ANKRD6: variants seen among roughly 807,000 people sequenced by gnomAD.
The protein encoded by ANKRD6 is ankyrin repeat domain 6.
ANKRD6 carries 56 observed loss-of-function variants against 82.3 expected under a neutral mutation model. The observed-to-expected ratio is 0.68, with a 90% CI of 0.55 to 0.85. The LOEUF (loss-of-function observed/expected upper bound fraction) is 0.85, where lower values mean the gene tolerates loss of function less well. Among genes scored for constraint, ANKRD6 ranks in the 40% least tolerant of loss-of-function variants. The pLI is 0.00. For synonymous variants in ANKRD6, 347 were observed against 352.1 expected, an observed-to-expected ratio of 0.99 and a Z score of 0.16; for missense variants, 852 against 907.6, an observed-to-expected ratio of 0.94 and a Z score of 0.79.
rs555782118 is a variant in ANKRD6, at chr6:89,494,971, A to C, written c.-144+61596A>C. On this transcript the variant is annotated intron_variant, in intron 1 of 15. Transcript: ENST00000339746. ...AAGCCAAGGCCGGGCACGGTGGCTC[A>C]CGCCTGTAATCCCAGCACTTTGGGA... 1.2e-3 allele frequency among the ~76,000 whole-genome samples: 176 copies of C among 152,314 alleles called. 1 individual carries two copies. Among genetic ancestry groups the C allele is most frequent in the Middle Eastern group, 3.4e-3 (1 of 294 alleles).
At chr6:89,535,732 G>A (rs1207638000) in intron 1 of ANKRD6, among the ~76,000 whole-genome samples, 1 of 152,220 alleles carries the variant, frequency 6.6e-6, no homozygotes, top group Non-Finnish European at 1.5e-5. Context: ...AATGTGGAAA[G>A]TTGATTCCTT....
chr6:89,483,442 C>T (rs554283624), intron 1 of ANKRD6: 12 of 152,454 alleles, frequency 7.9e-5, no homozygotes, highest in Admixed American at 7.8e-4. Flanking sequence ...GTCAGAGAGG[C>T]CTGAGGCTGT....
chr6:89,632,195 T>C lies in ANKRD6; in HGVS notation c.*1191T>C, dbSNP rs1315312335. ...ATAGACACAGGAACCTAGTGACTAT[T>C]GAACGTAATTGTAATAAAATGCTGC... is the stretch of plus-strand genomic sequence containing the variant. On this transcript the variant is annotated 3_prime_UTR_variant, in exon 16 of 16. Transcript: ENST00000339746. 1 of 152,242 alleles carries C rather than the reference T, an allele frequency of 6.6e-6. No individual in the cohort carries two copies. The highest frequency in any genetic ancestry group is 1.5e-5 in the Non-Finnish European group (1 of 68,038). The allele number at this position is 152,242 out of a possible 1,614,324, so 9.4% of individuals were successfully genotyped here. A position where few individuals can be genotyped will look rare whatever the true frequency, so the allele number is the denominator to read the frequency against.
chr6:89,480,573 G>A (rs1776666129), intron 1 of ANKRD6, among the ~76,000 whole-genome samples: 1 of 150,062 alleles, frequency 6.7e-6, no homozygotes, highest in African/African-American at 2.4e-5. Flanking sequence ...TGTATATATA[G>A]TTTTGTATAT....
At chr6:89,605,323 A>G (rs1296848000) in intron 4 of ANKRD6, among the ~76,000 whole-genome samples, 17 of 151,920 alleles carry the variant, frequency 1.1e-4, no homozygotes, top group Admixed American at 1.1e-3. Context: ...CAGAGGTGGC[A>G]GTGAGCTGAG....
intron 1 of ANKRD6, among the ~76,000 whole-genome samples, chr6:89,557,841 G>A (rs570269842): frequency 2.6e-5 from 4 of 151,862 alleles, no homozygotes; most frequent in Non-Finnish European, 5.9e-5. Context: ...ACATGTAAGG[G>A]ATCTGGGTCA....
Position 89,630,659 on chromosome 6 carries a change from C to T in ANKRD6, c.1839C>T (p.Cys613=), listed in dbSNP as rs192607941. ...AARSDQQAGP[C]VNRGTQTKKS... ...GATCTGATCAGCAGGCTGGGCCCTG[C>T]GTCAACAGAGGCACTCAAACTAAGA... Residue 613 remains cysteine (C), a synonymous_variant, in exon 16 of 16, where the codon TGC becomes TGT. Coordinates refer to ENST00000339746, the MANE Select transcript of ANKRD6 (RefSeq NM_001242809.2). 1.5e-5 allele frequency: 24 copies of T among 1,613,878 alleles called. No individual in the cohort carries two copies. The East Asian group carries it at 2.9e-4, about 19-fold the overall frequency.
intron 6 of ANKRD6, 129 bp downstream of exon 6, chr6:89,612,499 A>G: frequency 1.0e-6 from 1 of 983,944 alleles, no homozygotes; most frequent in East Asian, 2.8e-5. Context: ...ACTATCTCTA[A>G]AGTGTTCTTT....
chr6:89,605,919 C>A, intron 4 of ANKRD6, 88 bp from the exon 5 acceptor site: 2 of 881,886 alleles, frequency 2.3e-6, no homozygotes, highest in Non-Finnish European at 3.3e-6. Context: ...GTCTGGTGTT[C>A]CGTAAAAATC....
At chr6:89,598,363 G>A (rs907065750) in intron 3 of ANKRD6, 29 of 985,072 alleles carry the variant, frequency 2.9e-5, no homozygotes, top group Non-Finnish European at 3.5e-5. Context: ...CATGAAAGAA[G>A]ACAAAAATAA....
At chr6:89,626,486 A>G (rs1583973777) in intron 13 of ANKRD6, among the ~76,000 whole-genome samples, 1 of 152,210 alleles carries the variant, frequency 6.6e-6, no homozygotes. Flanking sequence ...GAGTGGGGAG[A>G]GTAGGCCAAT....
chr6:89,473,442 T>C (rs1387099350), intron 1 of ANKRD6, among the ~76,000 whole-genome samples: 1 of 151,916 alleles, frequency 6.6e-6, no homozygotes, highest in South Asian at 2.1e-4. Context: ...TAATTTTTAC[T>C]CTAAAGGTGT....
intron 1 of ANKRD6, among the ~76,000 whole-genome samples, chr6:89,528,980 T>A: frequency 6.6e-6 from 1 of 152,190 alleles, no homozygotes; most frequent in Admixed American, 6.5e-5. Context: ...GTTGTTCCAT[T>A]TATAGAGTAC....
chr6:89,537,879 CAAAAAA>C (rs55864526), intron 1 of ANKRD6, among the ~76,000 whole-genome samples: 17 of 110,810 alleles, frequency 1.5e-4, no homozygotes, highest in East Asian at 2.5e-4. Context: ...GACAATGTCT[CAAAAAA>C]AAAAAAAAAA....
At chr6:89,485,839 T>C (rs1777303933) in intron 1 of ANKRD6, among the ~76,000 whole-genome samples, 1 of 152,218 alleles carries the variant, frequency 6.6e-6, no homozygotes, top group African/African-American at 2.4e-5. Context: ...TGTCTTTTTG[T>C]AGAAAGCAAA....
intron 1 of ANKRD6, among the ~76,000 whole-genome samples, chr6:89,447,965 G>A (rs1488135729): frequency 6.6e-6 from 1 of 151,944 alleles, no homozygotes; most frequent in African/African-American, 2.4e-5. Context: ...GGGATTACAG[G>A]CGTGAGCCAC....
intron 1 of ANKRD6, among the ~76,000 whole-genome samples, chr6:89,517,417 A>C (rs937596536): frequency 1.3e-5 from 2 of 152,214 alleles, no homozygotes; most frequent in African/African-American, 4.8e-5. Context: ...TAATAGAATA[A>C]ACTTTGGCCT....
chr6:89,481,710 G>A (rs1776833486), intron 1 of ANKRD6, among the ~76,000 whole-genome samples: 1 of 152,112 alleles, frequency 6.6e-6, no homozygotes, highest in Non-Finnish European at 1.5e-5. Flanking sequence ...TAGTGGTACT[G>A]GTGGTACGGC....
chr6:89,455,007 A>AT (rs1169895534), intron 1 of ANKRD6, among the ~76,000 whole-genome samples: 4 of 151,350 alleles, frequency 2.6e-5, no homozygotes, highest in Non-Finnish European at 4.4e-5. Flanking sequence ...TGCTCATCTA[A>AT]TTTTTTTTGT....
Sources: allele counts gnomAD v4.1 joint callset (sites outside exome capture counted in the v4.1 genomes callset), GRCh38; gene constraint gnomAD v4.1.1; transcripts MANE v1.5; gene names NCBI Gene and HGNC (gene_info 2026-07-23, HGNC 2026-07-21).